DGKB: variants seen among roughly 807,000 people sequenced by gnomAD.
The protein encoded by DGKB is 90 kDa diacylglycerol kinase.
DGKB carries 67 observed loss-of-function variants against 114.3 expected under a neutral mutation model. The observed-to-expected ratio is 0.59, with a 90% confidence interval of 0.48 to 0.72. The LOEUF (loss-of-function observed/expected upper bound fraction) is 0.72, where lower values mean the gene tolerates loss of function less well. Ranked by LOEUF, DGKB falls within the 30% of genes least tolerant of loss-of-function variation. The probability of loss-of-function intolerance (pLI) is 0.00; values close to 1 mark genes in which losing one functional copy is unlikely to be tolerated. For synonymous variants in DGKB, 398 were observed against 323.1 expected (o/e 1.23, Z -2.49); for missense variants, 907 against 975.2 (o/e 0.93, Z 0.93).
intron 1 of DGKB, among the ~76,000 whole-genome samples, chr7:14,925,798 A>T (rs1009451580): frequency 2.0e-5 from 3 of 151,984 alleles, no homozygotes; most frequent in African/African-American, 7.3e-5. Flanking sequence ...TGTTTGGTTT[A>T]GTTTTTCAGT....
At chr7:14,339,589 T>A (rs1032511385) in intron 22 of DGKB, among the ~76,000 whole-genome samples, 3 of 152,086 alleles carry the variant, frequency 2.0e-5, no homozygotes, top group African/African-American at 7.2e-5. Flanking sequence ...TTTCCATTCA[T>A]TTCCACTACT....
chr7:14,314,344 A>T (rs1806053802), intron 23 of DGKB, among the ~76,000 whole-genome samples: 1 of 151,938 alleles, frequency 6.6e-6, no homozygotes, highest in Non-Finnish European at 1.5e-5. Flanking sequence ...GAGCTACGGG[A>T]GGACATTCAA....
At chr7:14,458,397 C>A (rs1021651647) in intron 21 of DGKB, among the ~76,000 whole-genome samples, 2 of 152,110 alleles carry the variant, frequency 1.3e-5, no homozygotes, top group African/African-American at 4.8e-5. Context: ...GTGTGCCCAG[C>A]GGTGGCTGGC....
At chr7:14,265,508 G>C (rs1797382913) in intron 23 of DGKB, among the ~76,000 whole-genome samples, 1 of 151,442 alleles carries the variant, frequency 6.6e-6, no homozygotes, top group Admixed American at 6.6e-5. Flanking sequence ...TCCTTGGCCA[G>C]GCTAATTCCC....
intron 23 of DGKB, among the ~76,000 whole-genome samples, chr7:14,278,616 T>C (rs1407105912): frequency 2.6e-5 from 4 of 151,966 alleles, no homozygotes; most frequent in African/African-American, 9.7e-5. Flanking sequence ...CAAAGCACAG[T>C]CAACAAAAAG....
At chr7:14,880,960 T>G (rs1854135590) in intron 1 of DGKB, among the ~76,000 whole-genome samples, 1 of 152,176 alleles carries the variant, frequency 6.6e-6, no homozygotes, top group Non-Finnish European at 1.5e-5. Flanking sequence ...TGTCTTTCTA[T>G]TCAAGTGTCT....
chr7:14,868,479 C>A (rs775333084), intron 1 of DGKB, among the ~76,000 whole-genome samples: 8 of 151,910 alleles, frequency 5.3e-5, no homozygotes, highest in Non-Finnish European at 8.8e-5. Context: ...GGATTACAGG[C>A]GTGTGCCACA....
At chr7:14,460,748 A>G (rs1832961020) in intron 21 of DGKB, among the ~76,000 whole-genome samples, 1 of 152,208 alleles carries the variant, frequency 6.6e-6, no homozygotes, top group African/African-American at 2.4e-5. Flanking sequence ...CTCCAGACCA[A>G]GTGGACCTAA....
chr7:14,719,739 C>G (rs1204744196), intron 5 of DGKB, among the ~76,000 whole-genome samples: 2 of 152,146 alleles, frequency 1.3e-5, no homozygotes, highest in East Asian at 3.8e-4. Context: ...TCAAGATTCC[C>G]AGGCATATAA....
chr7:14,471,804 AT>A (rs1781452904), intron 21 of DGKB, among the ~76,000 whole-genome samples: 5 of 152,144 alleles, frequency 3.3e-5, no homozygotes, highest in Non-Finnish European at 5.9e-5. Context: ...GAAGATAAAT[AT>A]ACCATGAAAT....
chr7:14,790,113 C>T (rs1173381761), intron 2 of DGKB, among the ~76,000 whole-genome samples: 4 of 152,104 alleles, frequency 2.6e-5, no homozygotes, highest in Non-Finnish European at 4.4e-5. Context: ...CTGTTCATGC[C>T]TTTGGCTCAT....
chr7:14,396,374 C>T (rs1362002065), intron 21 of DGKB, among the ~76,000 whole-genome samples: 1 of 152,096 alleles, frequency 6.6e-6, no homozygotes, highest in Non-Finnish European at 1.5e-5. Context: ...TTGGGCCATT[C>T]ATTTAATTAC....
chr7:14,527,617 A>G (rs1240768492), intron 20 of DGKB, among the ~76,000 whole-genome samples: 1 of 152,080 alleles, frequency 6.6e-6, no homozygotes, highest in African/African-American at 2.4e-5. Flanking sequence ...GGAAGGTTCA[A>G]AAGAAGTGTA....
chr7:14,805,431 C>A (rs1280211023), intron 2 of DGKB, among the ~76,000 whole-genome samples: 2 of 151,968 alleles, frequency 1.3e-5, no homozygotes, highest in African/African-American at 4.8e-5. Context: ...TTTTAAAGTT[C>A]TTTTCATTAA....
At chr7:14,265,408 T>A (rs538556228) in intron 23 of DGKB, among the ~76,000 whole-genome samples, 1 of 144,470 alleles carries the variant, frequency 6.9e-6, no homozygotes, top group South Asian at 2.3e-4. Context: ...TACTCTCCCG[T>A]ACTGTGCTAA....
At chr7:14,631,144 G>A (rs370291943) in intron 13 of DGKB, among the ~76,000 whole-genome samples, 3 of 150,866 alleles carry the variant, frequency 2.0e-5, no homozygotes, top group South Asian at 2.1e-4. Flanking sequence ...CCCTAGATAC[G>A]AGCTATCTGA....
chr7:14,662,086 G>C (rs966681667), intron 13 of DGKB, among the ~76,000 whole-genome samples: 1 of 151,964 alleles, frequency 6.6e-6, no homozygotes, highest in Non-Finnish European at 1.5e-5. Context: ...GGATATCAAT[G>C]GGAGATATAC....
intron 9 of DGKB, among the ~76,000 whole-genome samples, chr7:14,685,974 T>A (rs1284178457): frequency 6.6e-6 from 1 of 152,186 alleles, no homozygotes; most frequent in East Asian, 1.9e-4. Context: ...ACAAATAGTA[T>A]ATTTTAAAAG....
At chr7:14,899,831 C>T (rs1055955764) in intron 1 of DGKB, among the ~76,000 whole-genome samples, 4 of 152,078 alleles carry the variant, frequency 2.6e-5, no homozygotes, top group Non-Finnish European at 5.9e-5. Flanking sequence ...ATGCTCAACC[C>T]CACCCTGATC....
Sources: allele counts gnomAD v4.1 joint callset (sites outside exome capture counted in the v4.1 genomes callset), GRCh38; gene constraint gnomAD v4.1.1; transcripts MANE v1.5; gene names NCBI Gene and HGNC (gene_info 2026-07-23, HGNC 2026-07-21).